Variants in PDE12 observed in about 807,000 individuals in gnomAD.
PDE12 encodes the protein phosphodiesterase 12, also known as 2',5'-phosphodiesterase 12.
PDE12 carries 26 observed loss-of-function variants against 45.4 expected under a neutral mutation model. The ratio of observed to expected loss-of-function variants is 0.57; its 90% CI spans 0.42 to 0.79. The LOEUF is 0.79. Among genes scored for constraint, PDE12 ranks in the 30% least tolerant of loss-of-function variants. The pLI is 0.00. For missense variants in PDE12, 668 were observed against 790.0 expected (o/e 0.85, Z 1.85); for synonymous variants, 283 against 323.9 (o/e 0.87, Z 1.36).
the PDE12 span, among the ~76,000 whole-genome samples, chr3:57,608,875 G>A: frequency 2.6e-5 from 4 of 152,166 alleles, no homozygotes; most frequent in Non-Finnish European, 4.4e-5. Context: ...ACTCAGCTCT[G>A]CACCAAGTGG....
chr3:57,628,118 C>A, the PDE12 span: 1 of 1,514,206 alleles, frequency 6.6e-7, no homozygotes, highest in Non-Finnish European at 8.9e-7. Flanking sequence ...ATTTTCCACT[C>A]CGCTGCCACT....
the PDE12 span, among the ~76,000 whole-genome samples, chr3:57,604,467 C>G: frequency 6.6e-6 from 1 of 152,038 alleles, no homozygotes; most frequent in Non-Finnish European, 1.5e-5. Context: ...TTTGTTAAAA[C>G]TGGAATGCTA....
Position 57,557,132 on chromosome 3 carries a change from C to G in PDE12, c.753C>G (p.Thr251=), listed in dbSNP as rs2069672173. 1 of 1,614,084 alleles carries G rather than the reference C, an allele frequency of 6.2e-7. No homozygotes were observed. The highest frequency in any genetic ancestry group is 1.6e-4 in the Middle Eastern group (1 of 6,062). The change falls in exon 1 of 3, where the codon ACC becomes ACG. Residue 251 remains threonine, a synonymous_variant. Transcript: ENST00000311180. ...GGCTAAGGCTCAAGCTTCACTGCACCCCAGGCGATGGGCAGCGCTTTGGGC... is the reference window on the plus strand; with the variant it reads ...GGCTAAGGCTCAAGCTTCACTGCACGCCAGGCGATGGGCAGCGCTTTGGGC... ...DIGLRLKLHC[T]PGDGQRFGHS... is the part of the protein sequence containing the mutation.
At chr3:57,606,350 A>G in the PDE12 span, among the ~76,000 whole-genome samples, 1 of 152,196 alleles carries the variant, frequency 6.6e-6, no homozygotes, top group Admixed American at 6.5e-5. Flanking sequence ...AGGGAAAGTA[A>G]AAAAGGTCAG....
At chr3:57,616,973 A>C in the PDE12 span, among the ~76,000 whole-genome samples, 5 of 152,150 alleles carry the variant, frequency 3.3e-5, no homozygotes, top group Admixed American at 3.3e-4. Context: ...GCAGTGAGTC[A>C]AGATCACATC....
chr3:57,642,043 G>A, the PDE12 span, among the ~76,000 whole-genome samples: 15 of 152,196 alleles, frequency 9.9e-5, no homozygotes, highest in South Asian at 2.1e-4. Context: ...AGCCGAGCGC[G>A]GTGATTCACG....
At chr3:57,630,514 T>C in the PDE12 span, 2 of 1,588,276 alleles carry the variant, frequency 1.3e-6, no homozygotes, top group South Asian at 2.4e-5. Context: ...TTGGAGACTT[T>C]AGGAAATGCC....
the PDE12 span, chr3:57,654,736 G>A: frequency 2.0e-6 from 2 of 985,202 alleles, no homozygotes; most frequent in African/African-American, 1.7e-5. Flanking sequence ...TTGACCTAGT[G>A]AAAGGAGCGC....
At chr3:57,630,708 G>C in the PDE12 span, 1 of 1,609,520 alleles carries the variant, frequency 6.2e-7, no homozygotes, top group East Asian at 2.2e-5. Flanking sequence ...AGGGAAAAAA[G>C]ACTAACCGGT....
the PDE12 span, among the ~76,000 whole-genome samples, chr3:57,643,126 G>A: frequency 6.6e-6 from 1 of 152,080 alleles, no homozygotes; most frequent in African/African-American, 2.4e-5. Context: ...AGTAAGACTG[G>A]AAAGGGAGCA....
the PDE12 span, among the ~76,000 whole-genome samples, chr3:57,612,028 T>C: frequency 6.6e-6 from 1 of 152,018 alleles, no homozygotes; most frequent in Non-Finnish European, 1.5e-5. Flanking sequence ...TAAGAAAATG[T>C]GGCACATATA....
At chr3:57,630,970 A>C in the PDE12 span, 1 of 1,613,138 alleles carries the variant, frequency 6.2e-7, no homozygotes, top group Non-Finnish European at 8.5e-7. Context: ...AGCTTGCCAC[A>C]TATCTTTCCT....
chr3:57,582,173 T>C, the PDE12 span, among the ~76,000 whole-genome samples: 8 of 152,234 alleles, frequency 5.3e-5, no homozygotes, highest in African/African-American at 1.9e-4. Flanking sequence ...ATAAGGAAGC[T>C]TTTTAAAGCA....
At chr3:57,599,732 T>G in the PDE12 span, among the ~76,000 whole-genome samples, 1 of 152,148 alleles carries the variant, frequency 6.6e-6, no homozygotes, top group African/African-American at 2.4e-5. Flanking sequence ...ATATCTCTAT[T>G]GTACAGATAA....
chr3:57,614,523 G>GTT, the PDE12 span, among the ~76,000 whole-genome samples: 911 of 131,994 alleles, frequency 6.9e-3, 8 homozygotes, highest in African/African-American at 0.024. Context: ...CCTGTAATCC[G>GTT]TTTTTTTTTT....
the PDE12 span, chr3:57,628,909 C>A: frequency 3.1e-6 from 5 of 1,594,652 alleles, no homozygotes; most frequent in Non-Finnish European, 3.4e-6. Flanking sequence ...AGTCCCAAAT[C>A]AGTAAGTTCT....
At chr3:57,640,172 G>A in the PDE12 span, among the ~76,000 whole-genome samples, 1 of 151,966 alleles carries the variant, frequency 6.6e-6, no homozygotes, top group East Asian at 1.9e-4. Flanking sequence ...GGGAGGCTGA[G>A]GCAGGAGAAT....
the PDE12 span, among the ~76,000 whole-genome samples, chr3:57,642,884 T>C: frequency 3.3e-5 from 5 of 151,722 alleles, no homozygotes; most frequent in South Asian, 1.0e-3. Context: ...CAGGCGCCTG[T>C]AATCCCAGCT....
chr3:57,652,246 T>C, the PDE12 span, among the ~76,000 whole-genome samples: 1 of 152,176 alleles, frequency 6.6e-6, no homozygotes, highest in Admixed American at 6.5e-5. Context: ...CAGCCTTCTC[T>C]CAGTGCTTGC....
Sources: gnomAD v4.1 joint callset for allele counts (sites outside exome capture counted in the v4.1 genomes callset) on GRCh38, gnomAD v4.1.1 for gene constraint, MANE v1.5 for transcripts, NCBI Gene and HGNC (gene_info 2026-07-23, HGNC 2026-07-21) for gene names.